The following PLAC1 variants were observed in gnomAD, a reference collection of about 807,000 sequenced individuals.
PLAC1 encodes the protein placenta-specific protein 1.
For synonymous variants in PLAC1, 68 were observed against 62.1 expected (o/e 1.09, Z -0.44); for missense variants, 136 against 163.2 (o/e 0.83, Z 0.91).
chrX:134,613,134 A>G (rs2078162256), intron 1 of PLAC1, among the ~76,000 whole-genome samples: 1 of 110,876 alleles, frequency 9.0e-6, no homozygotes, highest in Middle Eastern at 4.2e-3. Flanking sequence ...AGCCTGAACA[A>G]CATAGTGAGG....
chrX:134,678,614 A>G (rs752418138), intron 2 of PLAC1, among the ~76,000 whole-genome samples: 120 of 111,601 alleles, frequency 1.1e-3, no homozygotes, highest in African/African-American at 3.5e-3. Context: ...TTGTCTATCT[A>G]TCTTCTAACA....
intron 2 of PLAC1, among the ~76,000 whole-genome samples, chrX:134,593,330 G>A (rs776610533): frequency 8.9e-6 from 1 of 112,098 alleles, no homozygotes; most frequent in East Asian, 2.8e-4. Flanking sequence ...ATATGATAGG[G>A]TCAACTGATT....
At chrX:134,732,959 G>T (rs1395649958) in intron 2 of PLAC1, among the ~76,000 whole-genome samples, 1 of 111,246 alleles carries the variant, frequency 9.0e-6, no homozygotes, top group Non-Finnish European at 1.9e-5. Flanking sequence ...CCACACCACT[G>T]CTTCCTAATA....
chrX:134,610,038 C>T (rs972769519), intron 1 of PLAC1, among the ~76,000 whole-genome samples: 8 of 110,728 alleles, frequency 7.2e-5, no homozygotes, highest in African/African-American at 9.9e-5. Flanking sequence ...AGTGCAATGG[C>T]GCAATCTCAG....
At chrX:134,729,814 G>A (rs760223186) in intron 2 of PLAC1, among the ~76,000 whole-genome samples, 1 of 109,900 alleles carries the variant, frequency 9.1e-6, no homozygotes, top group South Asian at 3.9e-4. Flanking sequence ...TTTTCGAGAC[G>A]GAGTTTCGCT....
chrX:134,712,785 C>T (rs1318494041), intron 2 of PLAC1, among the ~76,000 whole-genome samples: 2 of 111,538 alleles, frequency 1.8e-5, no homozygotes, highest in African/African-American at 6.5e-5. Flanking sequence ...TCTGATAATC[C>T]TCAACTATGA....
At chrX:134,749,296 A>G (rs970529169) in intron 1 of PLAC1, among the ~76,000 whole-genome samples, 1 of 112,112 alleles carries the variant, frequency 8.9e-6, no homozygotes, top group Non-Finnish European at 1.9e-5. Flanking sequence ...AGCCTGGGCA[A>G]CAGTGTGAGA....
chrX:134,592,755 G>T (rs1353396813), intron 2 of PLAC1, among the ~76,000 whole-genome samples: 5 of 83,990 alleles, frequency 6.0e-5, no homozygotes, highest in African/African-American at 2.4e-4. Context: ...ACAGAGTCTC[G>T]CTCTGTCGCC....
At chrX:134,622,930 A>G (rs1237509136) in intron 1 of PLAC1, among the ~76,000 whole-genome samples, 1 of 111,770 alleles carries the variant, frequency 8.9e-6, no homozygotes, top group Non-Finnish European at 1.9e-5. Context: ...GTGGCCCAGC[A>G]TTTTATCTGT....
intron 2 of PLAC1, among the ~76,000 whole-genome samples, chrX:134,672,697 C>T (rs1334351570): frequency 1.8e-5 from 2 of 112,350 alleles, no homozygotes; most frequent in African/African-American, 6.5e-5. Flanking sequence ...CAAAAGGGGG[C>T]TCCATTTGAA....
chrX:134,586,703 C>G (rs2078003502), intron 2 of PLAC1, among the ~76,000 whole-genome samples: 1 of 95,062 alleles, frequency 1.1e-5, no homozygotes, highest in African/African-American at 3.9e-5. Context: ...TGGAGCCTCA[C>G]TCTGTCACCC....
At chrX:134,586,506 C>T (rs1422946788) in intron 2 of PLAC1, among the ~76,000 whole-genome samples, 12 of 110,883 alleles carry the variant, frequency 1.1e-4, no homozygotes, top group Admixed American at 9.6e-5. Flanking sequence ...CCCGAGGGGC[C>T]GTGAAGCCAC....
At chrX:134,583,480 T>C (rs1354793892) in intron 2 of PLAC1, among the ~76,000 whole-genome samples, 1 of 98,989 alleles carries the variant, frequency 1.0e-5, no homozygotes, top group African/African-American at 3.7e-5. Flanking sequence ...TATACAGACC[T>C]AAGTTTGAAT....
At chrX:134,721,604 C>T (rs756427897) in intron 2 of PLAC1, among the ~76,000 whole-genome samples, 81 of 109,794 alleles carry the variant, frequency 7.4e-4, no homozygotes, top group African/African-American at 2.5e-3. Context: ...GTGGATCACA[C>T]CTGTAATCCC....
At position 134,735,658 on chromosome X, in the gene PLAC1, A is replaced by AAGAG. The variant is rs369034725; in HGVS notation, n.90-2143_90-2140dup. On this transcript the variant is annotated intron_variant and non_coding_transcript_variant, in intron 1 of 2. Coordinates refer to the PLAC1 transcript ENST00000466797. ...AGAGAGAAAGCAAGAAAGAGAGAGG[A>AAGAG]AGAGAGAGAGAGAGAGAGAGAAAAC... Among the ~76,000 whole-genome samples the AAGAG allele has an allele frequency of 5.8e-4, 61 of 105,846 alleles. No homozygotes were observed. The East Asian group carries it at 0.01, about 17-fold the overall frequency. 91.9% of individuals were successfully genotyped at this position (105,846 alleles called of 115,157 possible).
chrX:134,762,076 C>T (rs1386397647), intron 1 of PLAC1, among the ~76,000 whole-genome samples: 1 of 110,994 alleles, frequency 9.0e-6, no homozygotes, highest in Non-Finnish European at 1.9e-5. Flanking sequence ...AGAGAACATT[C>T]CAGAACTCTT....
intron 1 of PLAC1, among the ~76,000 whole-genome samples, chrX:134,612,259 C>G (rs2078157790): frequency 8.9e-6 from 1 of 112,075 alleles, no homozygotes; most frequent in African/African-American, 3.2e-5. Flanking sequence ...CTCAACCTCT[C>G]TTCCCATCAC....
At chrX:134,585,998 A>T (rs2077998449) in intron 2 of PLAC1, among the ~76,000 whole-genome samples, 1 of 112,440 alleles carries the variant, frequency 8.9e-6, no homozygotes, top group Non-Finnish European at 1.9e-5. Flanking sequence ...GATGGAACTT[A>T]GCATTTGAGA....
intron 1 of PLAC1, among the ~76,000 whole-genome samples, chrX:134,657,834 C>G (rs1204824428): frequency 9.1e-6 from 1 of 110,319 alleles, no homozygotes; most frequent in Non-Finnish European, 1.9e-5. Context: ...CAGCTAAAAG[C>G]AATGATAAAG....
Sources: allele counts gnomAD v4.1 joint callset (sites outside exome capture counted in the v4.1 genomes callset), GRCh38; gene constraint gnomAD v4.1.1; transcripts MANE v1.5; gene names NCBI Gene and HGNC (gene_info 2026-07-23, HGNC 2026-07-21).